Variants in ADCK1 observed in about 807,000 individuals in gnomAD.
The protein encoded by ADCK1 is aarF domain containing kinase 1, also known as aarF domain-containing protein kinase 1.
In ADCK1, 41 loss-of-function variants were observed where a neutral mutation model predicts 52.3. That is an observed-to-expected ratio of 0.78 (90% CI 0.61 to 1.02). The LOEUF is 1.02. ADCK1 is among the 50% of genes least tolerant of loss of function. The pLI, the probability that ADCK1 is intolerant of heterozygous loss-of-function variation, is 0.00. For synonymous variants in ADCK1, 250 were observed against 274.6 expected (o/e 0.91, Z 0.89); for missense variants, 658 against 679.5 (o/e 0.97, Z 0.35).
intron 5 of ADCK1, among the ~76,000 whole-genome samples, chr14:77,898,247 G>A (rs1339168527): frequency 6.6e-6 from 1 of 152,214 alleles, no homozygotes; most frequent in Non-Finnish European, 1.5e-5. Context: ...CTGGGCTACA[G>A]AGTGACATCT....
In ADCK1 at chr14:77,872,228, C is replaced by T. The variant is rs77486140; in HGVS notation, c.423+12949C>T. On this transcript the variant is annotated intron_variant, in intron 4 of 10. Coordinates refer to ENST00000238561, the MANE Select transcript of ADCK1 (RefSeq NM_020421.4). ...ACTTCCAGACATAGAAACTGAGACT[C>T]TGAGATGTTAAGTAACTTCCTCAGG... is the stretch of plus-strand genomic sequence containing the variant. 6.2e-4 allele frequency among the ~76,000 whole-genome samples: 95 copies of T among 152,296 alleles called. No individual in the cohort carries two copies. The East Asian group carries it at 7.7e-3, about 12-fold the overall frequency.
intron 1 of ADCK1, among the ~76,000 whole-genome samples, chr14:77,813,954 G>C (rs965948261): frequency 2.0e-5 from 3 of 151,918 alleles, no homozygotes; most frequent in Non-Finnish European, 2.9e-5. Flanking sequence ...TTTTAGTAGA[G>C]ACAGGGTTTT....
In ADCK1 at chr14:77,852,318, G is replaced by A. The variant is rs1594938695; in HGVS notation, c.220-6758G>A. ...GGCCAGTTCTTTAACATCTCTTGTA[G>A]TGCAGGAGATGTTATCTCCTACAGT... On this transcript the variant is annotated intron_variant, in intron 3 of 10. Coordinates refer to ENST00000238561, the MANE Select transcript of ADCK1 (RefSeq NM_020421.4). Among the ~76,000 whole-genome samples, 3 of 152,152 alleles carry A rather than the reference G, an allele frequency of 2.0e-5. No individual in the cohort carries two copies. The East Asian group carries it at 5.8e-4, about 29-fold the overall frequency.
intron 4 of ADCK1, 46 bp from the exon 5 acceptor site, chr14:77,887,045 A>C: frequency 6.7e-7 from 1 of 1,500,764 alleles, no homozygotes; most frequent in Non-Finnish European, 8.9e-7. Context: ...CCTCTCACTG[A>C]ACTGGGTCAT....
At chr14:77,870,053 G>A (rs908804629) in intron 4 of ADCK1, among the ~76,000 whole-genome samples, 2 of 152,232 alleles carry the variant, frequency 1.3e-5, no homozygotes, top group African/African-American at 2.4e-5. Context: ...AAGATGGTAG[G>A]TATTAGTGTT....
At chr14:77,886,337 T>C (rs2083145894) in intron 4 of ADCK1, among the ~76,000 whole-genome samples, 1 of 152,256 alleles carries the variant, frequency 6.6e-6, no homozygotes, top group African/African-American at 2.4e-5. Flanking sequence ...CCACATCCTC[T>C]GTCTGATCCC....
intron 4 of ADCK1, among the ~76,000 whole-genome samples, chr14:77,866,100 T>C (rs965004921): frequency 2.6e-5 from 4 of 152,194 alleles, no homozygotes; most frequent in South Asian, 4.1e-4. Flanking sequence ...GTGAACATCA[T>C]AGAGTACTTA....
At chr14:77,921,392 G>C (rs527763205) in intron 7 of ADCK1, among the ~76,000 whole-genome samples, 1 of 144,660 alleles carries the variant, frequency 6.9e-6, no homozygotes, top group Admixed American at 6.9e-5. Flanking sequence ...ACTGTGGTGT[G>C]CGTCTTATAG....
At chr14:77,890,399 A>G (rs944464571) in intron 5 of ADCK1, among the ~76,000 whole-genome samples, 2 of 152,214 alleles carry the variant, frequency 1.3e-5, no homozygotes, top group African/African-American at 4.8e-5. Flanking sequence ...CAAGTGGCCC[A>G]AGAGAATAAG....
At chr14:77,846,130 G>C (rs2082168786) in intron 3 of ADCK1, among the ~76,000 whole-genome samples, 1 of 152,088 alleles carries the variant, frequency 6.6e-6, no homozygotes, top group Admixed American at 6.6e-5. Flanking sequence ...TTGCTCCTCT[G>C]ACCAGAACAT....
intron 9 of ADCK1, among the ~76,000 whole-genome samples, chr14:77,929,519 A>G (rs1347338736): frequency 6.6e-6 from 1 of 152,206 alleles, no homozygotes; most frequent in Non-Finnish European, 1.5e-5. Flanking sequence ...TGGCTGACGC[A>G]GGTCACGTGT....
chr14:77,800,534 C>G (rs932812282), intron 1 of ADCK1, among the ~76,000 whole-genome samples: 2 of 152,274 alleles, frequency 1.3e-5, no homozygotes, highest in Non-Finnish European at 2.9e-5. Flanking sequence ...GCCTTCACCC[C>G]CTGGTGGCCC....
intron 1 of ADCK1, among the ~76,000 whole-genome samples, chr14:77,815,288 C>T (rs191734974): frequency 8.3e-4 from 124 of 149,862 alleles, no homozygotes; most frequent in African/African-American, 2.9e-3. Flanking sequence ...ATTTCAGCCT[C>T]GAGACCTCCT....
chr14:77,880,396 C>T (rs1249216477), intron 4 of ADCK1, among the ~76,000 whole-genome samples: 2 of 152,248 alleles, frequency 1.3e-5, no homozygotes, highest in East Asian at 1.9e-4. Flanking sequence ...AGCTTGGCAA[C>T]AGCAATAGCT....
At chr14:77,824,072 T>C (rs960792083) in intron 3 of ADCK1, among the ~76,000 whole-genome samples, 1 of 151,974 alleles carries the variant, frequency 6.6e-6, no homozygotes, top group Non-Finnish European at 1.5e-5. Context: ...CTAATTTTTG[T>C]GTTTTTAGTA....
intron 7 of ADCK1, among the ~76,000 whole-genome samples, chr14:77,909,872 A>G (rs528599658): frequency 4.6e-5 from 7 of 152,262 alleles, no homozygotes; most frequent in Admixed American, 1.3e-4. Context: ...GGGTGGTCTC[A>G]TTGTCTCCAT....
At chr14:77,864,635 ATGTGTG>A (rs3082711) in intron 4 of ADCK1, among the ~76,000 whole-genome samples, 18 of 150,490 alleles carry the variant, frequency 1.2e-4, no homozygotes, top group East Asian at 2.0e-4. Flanking sequence ...TAGGATATGA[ATGTGTG>A]TGTGTGTGTG....
At chr14:77,890,973 G>C (rs2140218020) in intron 5 of ADCK1, among the ~76,000 whole-genome samples, 1 of 152,268 alleles carries the variant, frequency 6.6e-6, no homozygotes. Context: ...CAAGCGACTG[G>C]GAATGAAGAA....
At chr14:77,830,304 C>T (rs573297134) in intron 3 of ADCK1, among the ~76,000 whole-genome samples, 2 of 151,154 alleles carry the variant, frequency 1.3e-5, no homozygotes, top group South Asian at 4.2e-4. Context: ...CAGGCATGCG[C>T]CACCACACCC....
Sources: allele counts gnomAD v4.1 joint callset (sites outside exome capture counted in the v4.1 genomes callset), GRCh38; gene constraint gnomAD v4.1.1; transcripts MANE v1.5; gene names NCBI Gene and HGNC (gene_info 2026-07-23, HGNC 2026-07-21).